The following TGFBR3 variants were observed in gnomAD, a reference collection of about 807,000 sequenced individuals.
TGFBR3 encodes transforming growth factor beta receptor 3.
In TGFBR3, 46 loss-of-function variants were observed where a neutral mutation model predicts 87.9. The ratio of observed to expected loss-of-function variants is 0.52; its 90% CI spans 0.41 to 0.67. The LOEUF (loss-of-function observed/expected upper bound fraction) is 0.67, where lower values mean the gene tolerates loss of function less well. Among genes scored for constraint, TGFBR3 ranks in the 30% least tolerant of loss-of-function variants. TGFBR3 has a pLI of 0.00. For missense variants in TGFBR3, 866 were observed against 1,041.9 expected (o/e 0.83, Z 2.32); for synonymous variants, 381 against 391.6 (o/e 0.97, Z 0.32).
chr1:91,762,336 C>G (rs1394386527), intron 3 of TGFBR3, among the ~76,000 whole-genome samples: 12 of 152,146 alleles, frequency 7.9e-5, no homozygotes, highest in Admixed American at 7.9e-4. Context: ...CATGAACTCC[C>G]CGTTAGGCAC....
chr1:91,765,325 C>T lies in TGFBR3; in HGVS notation c.247-6575G>A, dbSNP rs1051711953. Among the ~76,000 whole-genome samples the T allele has an allele frequency of 9.3e-5, 14 of 150,418 alleles. 1 individual carries two copies. The highest frequency in any genetic ancestry group is 1.7e-4 in the African/African-American group (7 of 40,716). ...CTGAAAGAAGGAATAAAAGAAGGAA[C>T]GAACAAAAGTTATTAATGAAATGTG... On this transcript the variant is annotated intron_variant, in intron 3 of 16. Transcript: ENST00000212355.
intron 1 of TGFBR3, among the ~76,000 whole-genome samples, chr1:91,874,785 G>C (rs993672100): frequency 2.0e-5 from 3 of 152,116 alleles, no homozygotes; most frequent in Non-Finnish European, 2.9e-5. Context: ...GAGCCACTGC[G>C]CCCAGCCTAG....
intron 1 of TGFBR3, among the ~76,000 whole-genome samples, chr1:91,872,909 G>A (rs1220675636): frequency 6.6e-6 from 1 of 151,060 alleles, no homozygotes; most frequent in Non-Finnish European, 1.5e-5. Context: ...CTTAAATGAG[G>A]CTTTTTAAAA....
chr1:91,771,583 G>A (rs888959234), intron 3 of TGFBR3, among the ~76,000 whole-genome samples: 9 of 151,728 alleles, frequency 5.9e-5, no homozygotes, highest in Non-Finnish European at 1.3e-4. Flanking sequence ...GCGGGCACCT[G>A]TAGTCCCAGC....
intron 2 of TGFBR3, among the ~76,000 whole-genome samples, chr1:91,812,951 T>A (rs1400710838): frequency 6.6e-6 from 1 of 152,102 alleles, no homozygotes; most frequent in Non-Finnish European, 1.5e-5. Context: ...TACTTGTGGG[T>A]TTTTTTCCAG....
intron 1 of TGFBR3, among the ~76,000 whole-genome samples, chr1:91,864,634 G>A (rs922649775): frequency 1.3e-5 from 2 of 152,190 alleles, no homozygotes; most frequent in African/African-American, 4.8e-5. Flanking sequence ...AGAAGCAAAA[G>A]GGAAGTGTGT....
intron 12 of TGFBR3, among the ~76,000 whole-genome samples, chr1:91,716,000 G>T (rs2029353): frequency 0.39 from 57,400 of 146,348 alleles, 11,261 homozygotes; most frequent in Middle Eastern, 0.47. Flanking sequence ...TTTTTTTTTT[G>T]TTAACATTCA....
intron 8 of TGFBR3, among the ~76,000 whole-genome samples, chr1:91,721,003 T>C (rs923453010): frequency 6.6e-6 from 1 of 152,242 alleles, no homozygotes; most frequent in Non-Finnish European, 1.5e-5. Context: ...ATACTCAATA[T>C]TTTGTCGTAT....
intron 14 of TGFBR3, among the ~76,000 whole-genome samples, chr1:91,708,119 G>A (rs530194862): frequency 2.0e-5 from 3 of 152,178 alleles, no homozygotes; most frequent in Non-Finnish European, 4.4e-5. Flanking sequence ...GGCATGCTTG[G>A]CTCCAAGCAA....
At chr1:91,755,579 G>T (rs769447747) in intron 4 of TGFBR3, among the ~76,000 whole-genome samples, 1 of 152,136 alleles carries the variant, frequency 6.6e-6, no homozygotes, top group Non-Finnish European at 1.5e-5. Context: ...TACTTGATCT[G>T]CAATCTCCTT....
intron 2 of TGFBR3, among the ~76,000 whole-genome samples, chr1:91,847,463 C>T (rs1469056842): frequency 2.0e-5 from 3 of 151,520 alleles, no homozygotes; most frequent in African/African-American, 4.9e-5. Flanking sequence ...ATTAGCCAGG[C>T]GTGGTAGTGC....
chr1:91,881,668 C>A (rs1163919988), intron 1 of TGFBR3, among the ~76,000 whole-genome samples: 1 of 152,164 alleles, frequency 6.6e-6, no homozygotes, highest in Non-Finnish European at 1.5e-5. Context: ...AGAAGGGACT[C>A]AACTAATTTT....
chr1:91,780,475 G>T (rs1447099903), intron 3 of TGFBR3, among the ~76,000 whole-genome samples: 1 of 151,022 alleles, frequency 6.6e-6, no homozygotes, highest in African/African-American at 2.4e-5. Context: ...CTTGTAAATG[G>T]GGCATATTTA....
intron 5 of TGFBR3, among the ~76,000 whole-genome samples, chr1:91,730,181 A>T (rs961129121): frequency 6.6e-6 from 1 of 152,068 alleles, no homozygotes; most frequent in African/African-American, 2.4e-5. Context: ...CTAGCCCCCA[A>T]CTAGGGGCCT....
Position 91,861,646 on chromosome 1 carries a change from T to A in TGFBR3, c.-113-2A>T. ...CCCTCCTTGCAATTTTCAAACTGCC[T>A]GTAAAACAAATTTCAATAAGAAAAC... On this transcript the variant is annotated splice_acceptor_variant, in intron 1 of 16. Coordinates refer to ENST00000212355, the MANE Select transcript of TGFBR3 (RefSeq NM_003243.5). LOFTEE classifies it low-confidence loss of function (5UTR_SPLICE). 1 of 777,452 alleles carries A rather than the reference T, an allele frequency of 1.3e-6. No homozygotes were observed. Among genetic ancestry groups the A allele is most frequent in the Non-Finnish European group, 2.3e-6 (1 of 435,848 alleles). 48.2% of individuals were successfully genotyped at this position (777,452 alleles called of 1,614,324 possible). A position where few individuals can be genotyped will look rare whatever the true frequency, so the allele number is the denominator to read the frequency against.
chr1:91,711,844 C>T (rs17885365), intron 13 of TGFBR3, among the ~76,000 whole-genome samples: 2 of 152,186 alleles, frequency 1.3e-5, no homozygotes, highest in African/African-American at 4.8e-5. Flanking sequence ...ATATTTCACA[C>T]AGAAAAGGTT....
At chr1:91,887,084 G>A (rs1279868182), upstream of TGFBR3, among the ~76,000 whole-genome samples, 1 of 151,902 alleles carries the variant, frequency 6.6e-6, no homozygotes, top group Non-Finnish European at 1.5e-5. Flanking sequence ...AAATGACCGT[G>A]GACTGACAGG....
chr1:91,771,927 G>A (rs1674394957), intron 3 of TGFBR3, among the ~76,000 whole-genome samples: 1 of 151,980 alleles, frequency 6.6e-6, no homozygotes. Context: ...GCAGGAAGGG[G>A]GCACTTCAGC....
chr1:91,799,097 G>C (rs72716440), intron 2 of TGFBR3, among the ~76,000 whole-genome samples: 1,640 of 152,290 alleles, frequency 0.011, 14 homozygotes, highest in Middle Eastern at 0.054. Flanking sequence ...ACTCCAGTTT[G>C]TTCTTCCTGA....
Sources: allele counts gnomAD v4.1 joint callset (sites outside exome capture counted in the v4.1 genomes callset), GRCh38; gene constraint gnomAD v4.1.1; transcripts MANE v1.5; gene names NCBI Gene and HGNC (gene_info 2026-07-23, HGNC 2026-07-21).